Variants in VDAC1 observed in about 807,000 individuals in gnomAD.
VDAC1 encodes the protein non-selective voltage-gated ion channel VDAC1.
Under a neutral mutation model 34.7 loss-of-function variants are expected in VDAC1, and 10 were observed. The ratio of observed to expected loss-of-function variants is 0.29; its 90% CI spans 0.18 to 0.49. The LOEUF (loss-of-function observed/expected upper bound fraction) is 0.49, where lower values mean the gene tolerates loss of function less well. Ranked by LOEUF, VDAC1 falls within the 20% of genes least tolerant of loss-of-function variation. VDAC1 has a pLI of 0.99. For missense variants in VDAC1, 230 were observed against 347.9 expected, an observed-to-expected ratio of 0.66 and a Z score of 2.69; for synonymous variants, 130 against 136.0, an observed-to-expected ratio of 0.96 and a Z score of 0.30.
At chr5:134,075,386 C>T in the VDAC1 span, among the ~76,000 whole-genome samples, 1 of 152,224 alleles carries the variant, frequency 6.6e-6, no homozygotes, top group Non-Finnish European at 1.5e-5. Context: ...ACTATCCACA[C>T]ACTAGTCACA....
the VDAC1 span, among the ~76,000 whole-genome samples, chr5:134,036,965 A>AC: frequency 1.5e-3 from 12 of 8,210 alleles, no homozygotes; most frequent in African/African-American, 2.2e-3. Flanking sequence ...AAAAAAAAAC[A>AC]AAAAAACAAC....
chr5:134,104,799 C>T, the VDAC1 span, among the ~76,000 whole-genome samples: 2 of 152,228 alleles, frequency 1.3e-5, no homozygotes, highest in African/African-American at 2.4e-5. Context: ...AGGAAAACCA[C>T]AGGGGCCCAC....
At chr5:134,085,058 G>A in the VDAC1 span, among the ~76,000 whole-genome samples, 1 of 102,328 alleles carries the variant, frequency 9.8e-6, no homozygotes. Flanking sequence ...GAGCCAAGAT[G>A]ATCTCTTTTT....
intron 6 of VDAC1, among the ~76,000 whole-genome samples, chr5:133,978,890 G>A (rs1184540813): frequency 6.6e-6 from 1 of 152,130 alleles, no homozygotes; most frequent in Admixed American, 6.5e-5. Flanking sequence ...GCATGCACCT[G>A]TAGTCCCAGC....
chr5:133,972,367 T>G lies in VDAC1; in HGVS notation c.*404A>C. 7.8e-6 allele frequency: 3 copies of G among 383,152 alleles called. No homozygotes were observed. The highest frequency in any genetic ancestry group is 7.7e-5 in the East Asian group (2 of 25,926). The allele number at this position is 383,152 out of a possible 1,614,324, so 23.7% of individuals were successfully genotyped here. On this transcript the variant is annotated 3_prime_UTR_variant, in exon 9 of 9. Transcript: ENST00000265333. Reference sequence around the variant, plus strand: ...AAAAAGTCCCATTCAGGTGAGTTTGTACACACCATCAAGCAGCGAGCCTCT... The same window carrying G: ...AAAAAGTCCCATTCAGGTGAGTTTGGACACACCATCAAGCAGCGAGCCTCT...
the VDAC1 span, among the ~76,000 whole-genome samples, chr5:134,049,594 G>GT: frequency 1.3e-5 from 2 of 152,032 alleles, no homozygotes; most frequent in Non-Finnish European, 2.9e-5. Flanking sequence ...TGTTTGTTTT[G>GT]TTTTTTAATA....
the VDAC1 span, among the ~76,000 whole-genome samples, chr5:134,086,072 C>T: frequency 0.02 from 3,026 of 152,046 alleles, 89 homozygotes; most frequent in African/African-American, 0.069. Context: ...GGCGTGTGCC[C>T]GTAATCCCAG....
At chr5:134,033,175 T>TTTTTA in the VDAC1 span, among the ~76,000 whole-genome samples, 2 of 119,368 alleles carry the variant, frequency 1.7e-5, no homozygotes, top group Admixed American at 8.9e-5. Flanking sequence ...TTTTTTTTTT[T>TTTTTA]GAGACGGCGT....
the VDAC1 span, among the ~76,000 whole-genome samples, chr5:134,101,947 G>T: frequency 6.6e-6 from 1 of 152,212 alleles, no homozygotes; most frequent in Non-Finnish European, 1.5e-5. Flanking sequence ...CCAACATGCT[G>T]GCCAGTAGGC....
chr5:134,112,759 C>T, the VDAC1 span, among the ~76,000 whole-genome samples: 1 of 152,158 alleles, frequency 6.6e-6, no homozygotes, highest in Non-Finnish European at 1.5e-5. Context: ...AAGGCTAATA[C>T]GAAGCTGGAA....
the VDAC1 span, among the ~76,000 whole-genome samples, chr5:134,038,676 G>A: frequency 0.048 from 7,288 of 152,192 alleles, 222 homozygotes; most frequent in East Asian, 0.11. Flanking sequence ...TCTTTGCCTG[G>A]CTCAAATACA....
chr5:133,976,066 A>G (rs1561581070), intron 6 of VDAC1, 45 bp from the exon 7 acceptor site: 2 of 1,612,834 alleles, frequency 1.2e-6, no homozygotes, highest in Non-Finnish European at 1.7e-6. Context: ...CAGGGAGGTG[A>G]GCTGCAGCCC....
intron 1 of VDAC1, among the ~76,000 whole-genome samples, chr5:133,994,488 A>G (rs1189084870): frequency 6.6e-6 from 1 of 152,080 alleles, no homozygotes; most frequent in Non-Finnish European, 1.5e-5. Context: ...CAGGGTAGAG[A>G]GATGAGGGGG....
At chr5:133,990,565 AC>A (rs1171253552) in intron 5 of VDAC1, among the ~76,000 whole-genome samples, 2 of 152,178 alleles carry the variant, frequency 1.3e-5, no homozygotes, top group African/African-American at 4.8e-5. Context: ...TGGCCTGGGC[AC>A]CCTTAGATCT....
At chr5:134,083,639 C>A in the VDAC1 span, among the ~76,000 whole-genome samples, 1 of 152,240 alleles carries the variant, frequency 6.6e-6, no homozygotes, top group Non-Finnish European at 1.5e-5. Context: ...CAGGCCTCAG[C>A]TGGCCGTGGT....
At chr5:134,090,521 C>A in the VDAC1 span, among the ~76,000 whole-genome samples, 1 of 152,160 alleles carries the variant, frequency 6.6e-6, no homozygotes, top group African/African-American at 2.4e-5. Context: ...TCCCCACAAC[C>A]ATGAAATGCT....
At chr5:134,107,607 C>A in the VDAC1 span, among the ~76,000 whole-genome samples, 1 of 152,180 alleles carries the variant, frequency 6.6e-6, no homozygotes, top group Non-Finnish European at 1.5e-5. Flanking sequence ...GGTCCCCACT[C>A]TCCACCCATG....
the VDAC1 span, among the ~76,000 whole-genome samples, chr5:134,023,954 G>A: frequency 2.8e-5 from 4 of 143,098 alleles, no homozygotes; most frequent in African/African-American, 1.1e-4. Flanking sequence ...CCAACATGGC[G>A]AAACCCCATC....
chr5:134,097,105 G>C, the VDAC1 span, among the ~76,000 whole-genome samples: 1 of 152,192 alleles, frequency 6.6e-6, no homozygotes, highest in African/African-American at 2.4e-5. Flanking sequence ...GTGCTGTCAG[G>C]ACCCTTCACA....
Sources: gnomAD v4.1 joint callset for allele counts (sites outside exome capture counted in the v4.1 genomes callset) on GRCh38, gnomAD v4.1.1 for gene constraint, MANE v1.5 for transcripts, NCBI Gene and HGNC (gene_info 2026-07-23, HGNC 2026-07-21) for gene names.